Variants in STAU2 observed in about 807,000 individuals in gnomAD.
STAU2 encodes the protein staufen double-stranded RNA binding protein 2.
STAU2 carries 20 observed loss-of-function variants against 65.9 expected under a neutral mutation model. The ratio of observed to expected loss-of-function variants is 0.30; its 90% CI spans 0.21 to 0.44. STAU2 has a LOEUF of 0.44. STAU2 is among the 20% of genes least tolerant of loss of function. The pLI, the probability that STAU2 is intolerant of heterozygous loss-of-function variation, is 1.00. For synonymous variants in STAU2, 232 were observed against 233.9 expected, an observed-to-expected ratio of 0.99 and a Z score of 0.07; for missense variants, 558 against 683.9, an observed-to-expected ratio of 0.82 and a Z score of 2.05.
intron 6 of STAU2, among the ~76,000 whole-genome samples, chr8:73,641,776 C>G (rs1395141747): frequency 6.6e-6 from 1 of 152,164 alleles, no homozygotes; most frequent in Non-Finnish European, 1.5e-5. Flanking sequence ...CCTAAAATTT[C>G]TTAAAACATA....
intron 13 of STAU2, among the ~76,000 whole-genome samples, chr8:73,512,368 A>G (rs578026342): frequency 1.1e-3 from 165 of 152,342 alleles, no homozygotes; most frequent in African/African-American, 3.8e-3. Flanking sequence ...CTAAAGGTTC[A>G]TCTAATCCAT....
chr8:73,550,765 A>G (rs1807277276), intron 13 of STAU2: 1 of 987,530 alleles, frequency 1.0e-6, no homozygotes, highest in South Asian at 4.7e-5. Flanking sequence ...AACTGGTAAC[A>G]GCTTCTTGAA....
intron 13 of STAU2, among the ~76,000 whole-genome samples, chr8:73,436,752 G>C (rs1326608936): frequency 6.6e-6 from 1 of 151,688 alleles, no homozygotes; most frequent in African/African-American, 2.4e-5. Flanking sequence ...ACACCCAGCT[G>C]ATTTTTGTAT....
At chr8:73,594,385 T>C (rs1330501188) in intron 11 of STAU2, among the ~76,000 whole-genome samples, 1 of 152,220 alleles carries the variant, frequency 6.6e-6, no homozygotes, top group Non-Finnish European at 1.5e-5. Context: ...AAAAAATCTC[T>C]GAAACAGAAT....
intron 12 of STAU2, among the ~76,000 whole-genome samples, chr8:73,559,615 G>C (rs1372276188): frequency 6.6e-6 from 1 of 152,200 alleles, no homozygotes; most frequent in Non-Finnish European, 1.5e-5. Flanking sequence ...TGACCCAAGG[G>C]AGCCTACTGG....
At chr8:73,467,141 G>T (rs1819701272) in intron 13 of STAU2, among the ~76,000 whole-genome samples, 1 of 152,194 alleles carries the variant, frequency 6.6e-6, no homozygotes, top group South Asian at 2.1e-4. Context: ...TGGACTCAGG[G>T]CAGAAGTCTC....
chr8:73,476,280 T>A (rs1300481787), intron 13 of STAU2, among the ~76,000 whole-genome samples: 1 of 152,220 alleles, frequency 6.6e-6, no homozygotes, highest in Non-Finnish European at 1.5e-5. Flanking sequence ...TGGAAGTTCT[T>A]GCCTTAAGAA....
intron 12 of STAU2, among the ~76,000 whole-genome samples, chr8:73,560,748 A>G (rs561660510): frequency 6.6e-6 from 1 of 152,318 alleles, no homozygotes; most frequent in East Asian, 1.9e-4. Context: ...TAAATAATAC[A>G]TATTCCTCAA....
intron 9 of STAU2, among the ~76,000 whole-genome samples, chr8:73,610,532 C>G (rs1010926593): frequency 9.0e-6 from 1 of 111,188 alleles, no homozygotes; most frequent in Non-Finnish European, 1.9e-5. Context: ...GAGTTAGACC[C>G]CGTCTCAAAA....
chr8:73,494,790 A>G (rs1244963660), intron 13 of STAU2, among the ~76,000 whole-genome samples: 2 of 151,730 alleles, frequency 1.3e-5, no homozygotes, highest in Non-Finnish European at 3.0e-5. Context: ...TTGTATTGTA[A>G]TTAGGAATCC....
At chr8:73,669,214 G>T in intron 6 of STAU2, 1 of 649,236 alleles carries the variant, frequency 1.5e-6, no homozygotes, top group Non-Finnish European at 2.8e-6. Context: ...GTTGAAACAT[G>T]GCTTGGTAGC....
At chr8:73,538,737 A>C (rs1475992577) in intron 13 of STAU2, among the ~76,000 whole-genome samples, 1 of 152,136 alleles carries the variant, frequency 6.6e-6, no homozygotes, top group East Asian at 1.9e-4. Flanking sequence ...GGGGACCAAG[A>C]AACTTAAACC....
At chr8:73,634,522 G>A (rs1213293222) in intron 6 of STAU2, among the ~76,000 whole-genome samples, 3 of 151,948 alleles carry the variant, frequency 2.0e-5, no homozygotes, top group Admixed American at 2.0e-4. Flanking sequence ...GTGAGACACC[G>A]TCTCAAAAAA....
chr8:73,485,250 C>T (rs1820856072), intron 13 of STAU2, among the ~76,000 whole-genome samples: 1 of 148,848 alleles, frequency 6.7e-6, no homozygotes, highest in Non-Finnish European at 1.5e-5. Context: ...ACAATCATAG[C>T]TCACTGCAGC....
chr8:73,524,583 G>C (rs1291757666), intron 13 of STAU2, among the ~76,000 whole-genome samples: 3 of 152,068 alleles, frequency 2.0e-5, no homozygotes, highest in Non-Finnish European at 2.9e-5. Flanking sequence ...AAAATAAGAA[G>C]ATAAGCTATA....
rs73322856 is a variant in STAU2, at chr8:73,504,978, C to T, written c.1530+47034G>A. On this transcript the variant is annotated intron_variant, in intron 13 of 14. Transcript: ENST00000524300. ...TATCCCTTGACTTTGTAGTATCTCA[C>T]AAGATCTATCTTTTGGCTCATTGTT... Among the ~76,000 whole-genome samples the T allele has an allele frequency of 9.6e-3, 1,463 of 152,208 alleles. 23 individuals carry two copies. Among genetic ancestry groups the T allele is most frequent in the African/African-American group, 0.034 (1,395 of 41,556 alleles).
chr8:73,715,530 GA>G (rs1195412263), intron 3 of STAU2, among the ~76,000 whole-genome samples: 2 of 151,396 alleles, frequency 1.3e-5, no homozygotes, highest in Non-Finnish European at 2.9e-5. Flanking sequence ...GACTGATAAA[GA>G]TTTTTTTTAA....
At chr8:73,699,877 A>AAAAAC (rs1241295911) in intron 4 of STAU2, among the ~76,000 whole-genome samples, 1 of 151,690 alleles carries the variant, frequency 6.6e-6, no homozygotes, top group Non-Finnish European at 1.5e-5. Flanking sequence ...AAAAAAAAAA[A>AAAAAC]AACCTACAGA....
At position 73,603,852 on chromosome 8, in the gene STAU2, T is replaced by C. The variant is rs1811818672; in HGVS notation, c.903A>G (p.Glu301=). The change falls in exon 10 of 15, where the codon GAA becomes GAG. Residue 301 remains glutamate, a synonymous_variant. Transcript: ENST00000524300. ...TAATAGGGTTCATCCCTTGGCCATA[T>C]TCTGGTCCGGCCTAAAAATTAATTT... is the stretch of plus-strand genomic sequence containing the variant. ...RPKTIVKAGP[E]YGQGMNPISR... 1 of 1,597,492 alleles carries C rather than the reference T, an allele frequency of 6.3e-7. No individual in the cohort carries two copies. Among genetic ancestry groups the C allele is most frequent in the Admixed American group, 1.8e-5 (1 of 55,696 alleles).
Sources: allele counts gnomAD v4.1 joint callset (sites outside exome capture counted in the v4.1 genomes callset), GRCh38; gene constraint gnomAD v4.1.1; transcripts MANE v1.5; gene names NCBI Gene and HGNC (gene_info 2026-07-23, HGNC 2026-07-21).